Variants in RFX4 observed in about 807,000 individuals in gnomAD.
RFX4 encodes regulatory factor X4.
Under a neutral mutation model 95.0 loss-of-function variants are expected in RFX4, and 10 were observed. That is an observed-to-expected ratio of 0.11 (90% CI 0.06 to 0.18). RFX4 has a LOEUF of 0.18. Among genes scored for constraint, RFX4 ranks in the 10% least tolerant of loss-of-function variants. The probability of loss-of-function intolerance (pLI) is 1.00; values close to 1 mark genes in which losing one functional copy is unlikely to be tolerated. For missense variants in RFX4, 640 were observed against 922.0 expected, an observed-to-expected ratio of 0.69 and a Z score of 3.96; for synonymous variants, 321 against 340.7, an observed-to-expected ratio of 0.94 and a Z score of 0.64.
chr12:106,587,430 G>C (rs2039475823), intron 1 of RFX4, among the ~76,000 whole-genome samples: 1 of 152,238 alleles, frequency 6.6e-6, no homozygotes, highest in African/African-American at 2.4e-5. Context: ...GCGGGAGCCA[G>C]AGGCAGAGGC....
intron 2 of RFX4, among the ~76,000 whole-genome samples, chr12:106,628,721 G>A (rs2040354738): frequency 1.3e-5 from 2 of 150,900 alleles, no homozygotes; most frequent in African/African-American, 2.4e-5. Flanking sequence ...CACGTTCTTC[G>A]AGTATTTCCT....
intron 4 of RFX4, among the ~76,000 whole-genome samples, chr12:106,675,965 T>C (rs1399798927): frequency 1.3e-5 from 2 of 152,064 alleles, no homozygotes; most frequent in African/African-American, 2.4e-5. Flanking sequence ...AGAGGCTTCA[T>C]GGAAAAGTGG....
intron 2 of RFX4, among the ~76,000 whole-genome samples, chr12:106,610,746 G>A (rs1343709030): frequency 6.6e-6 from 1 of 152,068 alleles, no homozygotes; most frequent in African/African-American, 2.4e-5. Flanking sequence ...CTGTCTTTTG[G>A]TCACTGTAAA....
chr12:106,727,218 A>G (rs898764602), intron 13 of RFX4, among the ~76,000 whole-genome samples: 4 of 152,254 alleles, frequency 2.6e-5, no homozygotes, highest in South Asian at 4.1e-4. Flanking sequence ...ATTAATAAAA[A>G]GAGAAGAATC....
intron 10 of RFX4, among the ~76,000 whole-genome samples, chr12:106,712,090 G>A (rs2137501907): frequency 6.6e-6 from 1 of 152,348 alleles, no homozygotes; most frequent in African/African-American, 2.4e-5. Context: ...CTCTAAGTCT[G>A]TTAAGGCAAC....
chr12:106,603,967 C>T (rs145438961), intron 1 of RFX4, among the ~76,000 whole-genome samples: 289 of 152,200 alleles, frequency 1.9e-3, no homozygotes, highest in African/African-American at 6.1e-3. Context: ...CCAGCCACAG[C>T]GCCAGCCACT....
At chr12:106,742,164 A>G (rs1073261) in intron 15 of RFX4, among the ~76,000 whole-genome samples, 54,982 of 152,018 alleles carry the variant, frequency 0.36, 10,011 homozygotes, top group South Asian at 0.4. Context: ...TCAAAGCTTC[A>G]GGTTTTTGTT....
intron 1 of RFX4, among the ~76,000 whole-genome samples, chr12:106,598,082 A>G (rs1012235550): frequency 1.3e-5 from 2 of 152,180 alleles, no homozygotes; most frequent in African/African-American, 4.8e-5. Flanking sequence ...ATGCATAAGG[A>G]GACACTGAGG....
intron 8 of RFX4, among the ~76,000 whole-genome samples, chr12:106,706,258 C>T (rs2042084103): frequency 6.6e-6 from 1 of 152,150 alleles, no homozygotes; most frequent in Admixed American, 6.5e-5. Context: ...TTGGGGGCTG[C>T]AGCAAGAATT....
Position 106,743,693 on chromosome 12 carries a change from G to A in RFX4, c.1634-3744G>A, listed in dbSNP as rs548857040. On this transcript the variant is annotated intron_variant, in intron 15 of 17. Transcript: ENST00000392842. ...GAATAAGGAACAGTTGCTGTGCTCC[G>A]GGGCTCACACAAAAGTAACTGCTGT... is the stretch of plus-strand genomic sequence containing the variant. Among the ~76,000 whole-genome samples the A allele has an allele frequency of 3.3e-5, 5 of 152,240 alleles. No homozygotes were observed. In the South Asian group the frequency reaches 1.0e-3, roughly 32 times the overall value.
At chr12:106,652,643 A>C (rs770215907) in intron 3 of RFX4, among the ~76,000 whole-genome samples, 2 of 152,216 alleles carry the variant, frequency 1.3e-5, no homozygotes, top group African/African-American at 2.4e-5. Context: ...ATCGGGGACT[A>C]TTCAGCACCA....
chr12:106,629,198 A>C (rs1355726201), intron 2 of RFX4, among the ~76,000 whole-genome samples: 1 of 152,014 alleles, frequency 6.6e-6, no homozygotes, highest in South Asian at 2.1e-4. Context: ...TTTGGTTTTC[A>C]TCTTTAAAAA....
chr12:106,693,021 GC>G (rs780755379), intron 7 of RFX4: 26 of 358,596 alleles, frequency 7.3e-5, no homozygotes, highest in Non-Finnish European at 1.4e-4. Context: ...CCACCCAATT[GC>G]TTAAGCCACA....
At chr12:106,690,188 T>G (rs192050404) in intron 7 of RFX4, among the ~76,000 whole-genome samples, 1 of 152,110 alleles carries the variant, frequency 6.6e-6, no homozygotes, top group Non-Finnish European at 1.5e-5. Flanking sequence ...TAGGAGTAAA[T>G]GTTTGTTGAG....
In RFX4 at chr12:106,621,853, G is replaced by T. The variant is rs542894329; in HGVS notation, c.130+12970G>T. The stretch of plus-strand genomic sequence containing the variant: ...CTTGGTGTTTCGGGAAAACGCCAAG[G>T]TGGCTGTAGAGCTTACTTCTGGTGC... On this transcript the variant is annotated intron_variant, in intron 2 of 17. Transcript: ENST00000392842. Among the ~76,000 whole-genome samples the T allele has an allele frequency of 6.4e-4, 97 of 152,300 alleles. 1 individual carries two copies. Among genetic ancestry groups the T allele is most frequent in the African/African-American group, 2.2e-3 (92 of 41,584 alleles).
At chr12:106,749,848 C>G (rs906598279) in intron 16 of RFX4, among the ~76,000 whole-genome samples, 1 of 152,148 alleles carries the variant, frequency 6.6e-6, no homozygotes, top group African/African-American at 2.4e-5. Context: ...TGTTTGAACA[C>G]GCCATGGTGC....
intron 1 of RFX4, among the ~76,000 whole-genome samples, chr12:106,589,018 C>T (rs936989736): frequency 6.6e-6 from 1 of 152,166 alleles, no homozygotes; most frequent in Non-Finnish European, 1.5e-5. Flanking sequence ...GCCCATCCTA[C>T]GTGTTCTGCA....
At chr12:106,612,561 G>C (rs569516512) in intron 2 of RFX4, among the ~76,000 whole-genome samples, 1 of 152,320 alleles carries the variant, frequency 6.6e-6, no homozygotes, top group African/African-American at 2.4e-5. Context: ...ATTTCGGCCA[G>C]GTGTAGTGGC....
chr12:106,609,109 CAT>C (rs2039902530), intron 2 of RFX4, among the ~76,000 whole-genome samples: 1 of 152,212 alleles, frequency 6.6e-6, no homozygotes, highest in African/African-American at 2.4e-5. Flanking sequence ...TTGCTGTTTA[CAT>C]ACTCATCTTC....
Sources: allele counts gnomAD v4.1 joint callset (sites outside exome capture counted in the v4.1 genomes callset), GRCh38; gene constraint gnomAD v4.1.1; transcripts MANE v1.5; gene names NCBI Gene and HGNC (gene_info 2026-07-23, HGNC 2026-07-21).